The following ZNF605 variants were observed in gnomAD, a reference collection of about 807,000 sequenced individuals.
ZNF605 encodes zinc finger protein 605.
A neutral mutation model predicts 7.9 loss-of-function variants in ZNF605; 9 were observed. That is an observed-to-expected ratio of 1.14 (90% CI 0.68 to 1.98). The LOEUF is 1.98. Ranked by LOEUF, ZNF605 falls within the 30% of genes most tolerant of loss-of-function variation. The pLI is 0.00. For missense variants in ZNF605, 673 were observed against 762.4 expected (o/e 0.88, Z 1.38); for synonymous variants, 255 against 260.1 (o/e 0.98, Z 0.19).
In ZNF605 at chr12:132,933,130, T is replaced by G; in HGVS notation, c.41A>C (p.Asp14Ala). 6.2e-7 allele frequency: 1 copy of G among 1,611,294 alleles called. No homozygotes were observed. The highest frequency in any genetic ancestry group is 8.5e-7 in the Non-Finnish European group (1 of 1,178,156). The stretch of plus-strand genomic sequence containing the variant: ...TAGCTGCCATTCCTCCAGCGTGAAA[T>G]CCACAGCCACATCCTCAAATGATAT... ...SQISFEDVAV[D>A]FTLEEWQLLN... Residue 14 changes from aspartate to alanine, a missense_variant, in exon 4 of 5, where the codon GAT (aspartate) becomes GCT (alanine). Coordinates refer to ENST00000360187, the MANE Select transcript of ZNF605 (RefSeq NM_183238.4). This position sits in a 1 kb window ranked among gnomAD's most constrained non-coding sequence, Gnocchi z 4.4.
intron 1 of ZNF605, among the ~76,000 whole-genome samples, chr12:132,955,377 G>C (rs753546853): frequency 2.6e-5 from 4 of 152,184 alleles, no homozygotes; most frequent in Non-Finnish European, 5.9e-5. Flanking sequence ...CAAAGCTCAA[G>C]AAAATGGGGA....
intron 3 of ZNF605, among the ~76,000 whole-genome samples, chr12:132,936,242 A>T (rs1952365755): frequency 6.6e-6 from 1 of 152,098 alleles, no homozygotes; most frequent in Non-Finnish European, 1.5e-5. Context: ...AATGAAATAT[A>T]ACTTCTAGAG....
chr12:132,940,217 G>A (rs1042051087), intron 3 of ZNF605, among the ~76,000 whole-genome samples: 5 of 152,136 alleles, frequency 3.3e-5, no homozygotes, highest in Non-Finnish European at 5.9e-5. Flanking sequence ...AGATAGTGGC[G>A]GCCAGGGATA....
At chr12:132,952,080 C>T (rs1952578918) in intron 1 of ZNF605, among the ~76,000 whole-genome samples, 2 of 152,080 alleles carry the variant, frequency 1.3e-5, no homozygotes, top group African/African-American at 4.8e-5. Context: ...GGAAAGACCA[C>T]TCAACAAGAT....
intron 3 of ZNF605, among the ~76,000 whole-genome samples, chr12:132,937,834 G>A (rs2137141113): frequency 6.6e-6 from 1 of 152,282 alleles, no homozygotes. Context: ...TAGAGACTGT[G>A]GCCCATCCAT....
chr12:132,941,563 G>A lies in ZNF605; in HGVS notation c.15+4058C>T, dbSNP rs1290527516. Among the ~76,000 whole-genome samples the A allele has an allele frequency of 6.6e-6, 1 of 152,200 alleles. No individual in the cohort carries two copies. Among genetic ancestry groups the A allele is most frequent in the Non-Finnish European group, 1.5e-5 (1 of 68,040 alleles). ...ACATCAATAGGCCCAATCATGGGGC[G>A]TCTGAGGAACCGTATCGCTCACGAG... On this transcript the variant is annotated intron_variant, in intron 3 of 4. Coordinates refer to ENST00000360187, the MANE Select transcript of ZNF605 (RefSeq NM_183238.4). The surrounding 1 kb of genome is among the most constrained non-coding windows in gnomAD (Gnocchi z 5.1).
At chr12:132,948,983 A>G in intron 1 of ZNF605, among the ~76,000 whole-genome samples, 1 of 151,918 alleles carries the variant, frequency 6.6e-6, no homozygotes, top group East Asian at 1.9e-4. Flanking sequence ...AGCAGGAGGC[A>G]GAGACCAGTG....
At chr12:132,939,137 G>A (rs1161970353) in intron 3 of ZNF605, among the ~76,000 whole-genome samples, 4 of 152,040 alleles carry the variant, frequency 2.6e-5, no homozygotes, top group Admixed American at 6.5e-5. Flanking sequence ...TGAGGAATGC[G>A]AGCGCACAGC....
chr12:132,954,361 G>A (rs1227757327), intron 1 of ZNF605, among the ~76,000 whole-genome samples: 1 of 116,210 alleles, frequency 8.6e-6, no homozygotes, highest in Non-Finnish European at 1.7e-5. Context: ...AGAAGGGTGG[G>A]GAGCGGGGGA....
intron 4 of ZNF605, 90 bp downstream of exon 4, chr12:132,932,945 C>CT (rs1952322301): frequency 1.5e-5 from 22 of 1,458,778 alleles, no homozygotes; most frequent in Non-Finnish European, 1.9e-5. Context: ...GTCAAATAAT[C>CT]TTTGACATGT....
chr12:132,943,999 C>T (rs979871278), intron 3 of ZNF605, among the ~76,000 whole-genome samples: 1 of 152,122 alleles, frequency 6.6e-6, no homozygotes, highest in Non-Finnish European at 1.5e-5. Flanking sequence ...AGAACAAAAC[C>T]GTTTCTAATT....
At position 132,919,227 on chromosome 12, in the gene ZNF605, T is replaced by G. The variant is rs1334392879; in HGVS notation, c.*6146A>C. The G allele has an allele frequency of 1.3e-5, 2 of 152,084 alleles. No homozygotes were observed. Among genetic ancestry groups the G allele is most frequent in the Non-Finnish European group, 2.9e-5 (2 of 68,028 alleles). 9.4% of individuals were successfully genotyped at this position (152,084 alleles called of 1,614,324 possible). A position where few individuals can be genotyped will look rare whatever the true frequency, so the allele number is the denominator to read the frequency against. On this transcript the variant is annotated 3_prime_UTR_variant, in exon 5 of 5. Coordinates refer to ENST00000360187, the MANE Select transcript of ZNF605 (RefSeq NM_183238.4). Reference sequence around the variant, plus strand: ...ACTTTTAGTGATAGGAATGCTTACTTGCTTTATTAATTATTTTTGTGGAGA... The same window carrying G: ...ACTTTTAGTGATAGGAATGCTTACTGGCTTTATTAATTATTTTTGTGGAGA...
Position 132,938,126 on chromosome 12 carries a change from G to A in ZNF605, c.16-4971C>T, listed in dbSNP as rs924644116. 4.5e-3 allele frequency among the ~76,000 whole-genome samples: 660 copies of A among 147,662 alleles called. 5 individuals are homozygous for A. Among genetic ancestry groups the A allele is most frequent in the Middle Eastern group, 0.02 (5 of 250 alleles). On this transcript the variant is annotated intron_variant, in intron 3 of 4. Transcript: ENST00000360187. ...CTCCCAAGTAGCTGGGACTACAGGC[G>A]CCTGCCACTACGCCCGGCTAACTTT... is the stretch of plus-strand genomic sequence containing the variant.
rs1291137347 is a variant in ZNF605, at chr12:132,933,713, A to C, written c.16-558T>G. Among the ~76,000 whole-genome samples the C allele has an allele frequency of 1.3e-5, 2 of 152,236 alleles. No individual in the cohort carries two copies. Among genetic ancestry groups the C allele is most frequent in the Non-Finnish European group, 2.9e-5 (2 of 68,048 alleles). ...TAATGAATAACCAATATAATCTAAT[A>C]TAATAAATATAATAATCTTGCATTA... is the stretch of plus-strand genomic sequence containing the variant. On this transcript the variant is annotated intron_variant, in intron 3 of 4. Transcript: ENST00000360187. The surrounding 1 kb of genome is among the most constrained non-coding windows in gnomAD (Gnocchi z 4.4).
At chr12:132,944,273 A>G (rs1952476081) in intron 3 of ZNF605, among the ~76,000 whole-genome samples, 1 of 151,622 alleles carries the variant, frequency 6.6e-6, no homozygotes, top group Non-Finnish European at 1.5e-5. Context: ...GCTGGAGTGC[A>G]GTGGTGCCAC....
chr12:132,927,461 G>T (rs1799829770), intron 4 of ZNF605, among the ~76,000 whole-genome samples: 1 of 152,062 alleles, frequency 6.6e-6, no homozygotes, highest in South Asian at 2.1e-4. Context: ...TGCCTCCCAG[G>T]TTCAAGCAAT....
chr12:132,945,780 G>T lies in ZNF605; in HGVS notation c.-145C>A, dbSNP rs1952488862. The T allele has an allele frequency of 6.8e-6, 8 of 1,181,818 alleles. No homozygotes were observed. The highest frequency in any genetic ancestry group is 1.2e-5 in the South Asian group (1 of 80,642). The allele number at this position is 1,181,818 out of a possible 1,614,324, so 73.2% of individuals were successfully genotyped here. The stretch of plus-strand genomic sequence containing the variant: ...TTTCTTATCTCACATGAATTGTCTT[G>T]TTCCAGAGGGCTATTGCCTGTGGAT... On this transcript the variant is annotated 5_prime_UTR_variant, in exon 3 of 5. Transcript: ENST00000360187.
chr12:132,953,639 A>C (rs1252496725), intron 1 of ZNF605, among the ~76,000 whole-genome samples: 8 of 151,980 alleles, frequency 5.3e-5, no homozygotes, highest in Non-Finnish European at 1.0e-4. Flanking sequence ...GTTGGCCAGG[A>C]TGGTGTGGAT....
intron 3 of ZNF605, among the ~76,000 whole-genome samples, chr12:132,942,430 G>T (rs1283988609): frequency 1.3e-5 from 2 of 152,210 alleles, no homozygotes; most frequent in East Asian, 3.9e-4. Context: ...CTCCTCCAGA[G>T]ACTGTCCACA....
Sources: gnomAD v4.1 joint callset for allele counts (sites outside exome capture counted in the v4.1 genomes callset) on GRCh38, gnomAD v4.1.1 for gene constraint, Gnocchi (gnomAD v3.1) non-coding constraint, MANE v1.5 for transcripts, NCBI Gene and HGNC (gene_info 2026-07-23, HGNC 2026-07-21) for gene names.